The following FSTL5 variants were observed in gnomAD, a reference collection of about 807,000 sequenced individuals.
FSTL5 encodes the protein follistatin like 5.
Under a neutral mutation model 89.1 loss-of-function variants are expected in FSTL5, and 62 were observed. The observed-to-expected ratio is 0.70, with a 90% CI of 0.57 to 0.86. FSTL5 has a LOEUF of 0.86. FSTL5 is among the 40% of genes least tolerant of loss of function. The pLI, the probability that FSTL5 is intolerant of heterozygous loss-of-function variation, is 0.00. For missense variants in FSTL5, 1,057 were observed against 1,001.6 expected (o/e 1.06, Z -0.75); for synonymous variants, 383 against 346.2 (o/e 1.11, Z -1.18).
At chr4:161,564,337 C>A (rs1732724202) in intron 8 of FSTL5, among the ~76,000 whole-genome samples, 1 of 150,774 alleles carries the variant, frequency 6.6e-6, no homozygotes, top group Admixed American at 6.6e-5. Context: ...AATAAGGAAT[C>A]ATTAGCTTTG....
intron 8 of FSTL5, among the ~76,000 whole-genome samples, chr4:161,558,281 G>A (rs1384371492): frequency 1.3e-5 from 2 of 151,796 alleles, no homozygotes; most frequent in African/African-American, 4.8e-5. Flanking sequence ...CTCCAAAAGG[G>A]TGTCACTAGG....
chr4:161,556,844 G>GTATATATATA (rs962466232), intron 8 of FSTL5, among the ~76,000 whole-genome samples: 137 of 144,878 alleles, frequency 9.5e-4, no homozygotes, highest in Non-Finnish European at 1.5e-3. Context: ...GTGTGTGTGT[G>GTATATATATA]TGTATATATA....
In FSTL5 at chr4:161,395,499, A is replaced by T. The variant is rs28368788; in HGVS notation, c.1842-9050T>A. The stretch of plus-strand genomic sequence containing the variant: ...ATATTCCTTTAAAATGTTAAAACTC[A>T]ATCTATAAATTTAATATACTCTTTC... On this transcript the variant is annotated intron_variant, in intron 15 of 15. Transcript: ENST00000306100. Among the ~76,000 whole-genome samples the T allele has an allele frequency of 6.2e-3, 942 of 152,198 alleles. 5 individuals carry two copies. Among genetic ancestry groups the T allele is most frequent in the African/African-American group, 0.021 (864 of 41,550 alleles).
In FSTL5 at chr4:161,890,429, C is replaced by T. The variant is rs574750275; in HGVS notation, c.409+29975G>A. Among the ~76,000 whole-genome samples, 173 of 152,212 alleles carry T rather than the reference C, an allele frequency of 1.1e-3. 1 individual carries two copies. The highest frequency in any genetic ancestry group is 4.0e-3 in the African/African-American group (165 of 41,538). ...CTGTTCTCGAGCACGGTGGCTCACA[C>T]CTGTAATCCCAACACTTTGGGAAGC... On this transcript the variant is annotated intron_variant, in intron 4 of 15. Transcript: ENST00000306100.
In FSTL5 at chr4:161,775,871, A is replaced by G; in HGVS notation, c.606+7T>C. On this transcript the variant is annotated splice_region_variant and intron_variant, in intron 5 of 15. Coordinates refer to ENST00000306100, the MANE Select transcript of FSTL5 (RefSeq NM_020116.5). ...AGTAAGTTTGTTAATATAGTCACTA[A>G]TCATACCTGAGTTAGTTCATTAATA... 6.9e-7 allele frequency: 1 copy of G among 1,442,268 alleles called. No homozygotes were observed. Among genetic ancestry groups the G allele is most frequent in the Non-Finnish European group, 9.4e-7 (1 of 1,068,706 alleles). 89.3% of individuals were successfully genotyped at this position (1,442,268 alleles called of 1,614,324 possible).
intron 1 of FSTL5, among the ~76,000 whole-genome samples, chr4:162,138,880 G>A (rs919070293): frequency 6.6e-6 from 1 of 151,872 alleles, no homozygotes; most frequent in African/African-American, 2.4e-5. Context: ...ACAGAAGAAT[G>A]CCAATAAAAA....
At chr4:162,066,592 C>A (rs1260775158) in intron 2 of FSTL5, among the ~76,000 whole-genome samples, 1 of 144,800 alleles carries the variant, frequency 6.9e-6, no homozygotes, top group South Asian at 2.3e-4. Context: ...TGCCCCCCCA[C>A]CCCCTGACAG....
chr4:161,992,852 A>T (rs1235886362), intron 3 of FSTL5, among the ~76,000 whole-genome samples: 1 of 14,996 alleles, frequency 6.7e-5, no homozygotes, highest in African/African-American at 2.5e-4. Context: ...CATCTCAAAA[A>T]AAAAAAAAAA....
At chr4:161,489,261 A>T (rs1473481848) in intron 12 of FSTL5, among the ~76,000 whole-genome samples, 1 of 152,004 alleles carries the variant, frequency 6.6e-6, no homozygotes, top group African/African-American at 2.4e-5. Flanking sequence ...GGCTAGGGGG[A>T]AGGTCCAGGG....
chr4:161,450,467 C>G (rs1294262640), intron 15 of FSTL5, among the ~76,000 whole-genome samples: 1 of 152,100 alleles, frequency 6.6e-6, no homozygotes, highest in Non-Finnish European at 1.5e-5. Flanking sequence ...ACCAAATCTC[C>G]TATGCATTAG....
chr4:161,455,666 G>T lies in FSTL5; in HGVS notation c.1717-538C>A, dbSNP rs114179484. Among the ~76,000 whole-genome samples the T allele has an allele frequency of 3.7e-3, 557 of 152,166 alleles. 3 individuals are homozygous for T. Among genetic ancestry groups the T allele is most frequent in the African/African-American group, 0.012 (504 of 41,528 alleles). On this transcript the variant is annotated intron_variant, in intron 14 of 15. Coordinates refer to ENST00000306100, the MANE Select transcript of FSTL5 (RefSeq NM_020116.5). ...TAAAAGAGATTTCATCTTTAATAATGAATTGTTTTTTAAACTTTTATAGTC... is the reference window on the plus strand; with the variant it reads ...TAAAAGAGATTTCATCTTTAATAATTAATTGTTTTTTAAACTTTTATAGTC...
At chr4:161,524,755 C>T (rs1403301815) in intron 10 of FSTL5, among the ~76,000 whole-genome samples, 7 of 151,986 alleles carry the variant, frequency 4.6e-5, no homozygotes, top group African/African-American at 1.4e-4. Flanking sequence ...GTCAGGAGAT[C>T]GAGACCATCC....
In FSTL5 at chr4:161,606,980, T is replaced by C. The variant is rs555047403; in HGVS notation, c.895-19405A>G. Among the ~76,000 whole-genome samples the C allele has an allele frequency of 8.7e-4, 133 of 152,338 alleles. 3 individuals carry two copies. The South Asian group carries it at 0.027, about 31-fold the overall frequency. On this transcript the variant is annotated intron_variant, in intron 7 of 15. Coordinates refer to ENST00000306100, the MANE Select transcript of FSTL5 (RefSeq NM_020116.5). ...TAAAGAAGTAATACTAGTTATTCGATTTCCTCATTAGGAGAGGCTGCAAGG... is the reference window on the plus strand; with the variant it reads ...TAAAGAAGTAATACTAGTTATTCGACTTCCTCATTAGGAGAGGCTGCAAGG...
At chr4:161,535,151 C>T (rs1038845255) in intron 10 of FSTL5, among the ~76,000 whole-genome samples, 6 of 152,080 alleles carry the variant, frequency 3.9e-5, no homozygotes, top group African/African-American at 1.4e-4. Flanking sequence ...CCCTTCTCAA[C>T]ATTGGTTTTG....
At chr4:161,528,251 T>A (rs1731297062) in intron 10 of FSTL5, among the ~76,000 whole-genome samples, 1 of 141,372 alleles carries the variant, frequency 7.1e-6, no homozygotes, top group African/African-American at 2.5e-5. Context: ...CATATGTAAC[T>A]AACCTGCACA....
At chr4:161,816,101 G>C (rs1730318705) in intron 4 of FSTL5, among the ~76,000 whole-genome samples, 1 of 152,142 alleles carries the variant, frequency 6.6e-6, no homozygotes, top group Non-Finnish European at 1.5e-5. Context: ...ATCCACTGGA[G>C]TGCAGAGCTA....
chr4:161,417,459 T>C (rs1349909758), intron 15 of FSTL5, among the ~76,000 whole-genome samples: 2 of 152,228 alleles, frequency 1.3e-5, no homozygotes, highest in African/African-American at 2.4e-5. Context: ...TTATTTAACA[T>C]GCTTTATTCT....
intron 12 of FSTL5, among the ~76,000 whole-genome samples, chr4:161,497,718 A>T (rs990962778): frequency 4.6e-5 from 7 of 152,020 alleles, no homozygotes; most frequent in Admixed American, 4.6e-4. Context: ...TTTATCTCAC[A>T]TGCAATATGA....
chr4:161,862,509 C>T (rs369922584), intron 4 of FSTL5, among the ~76,000 whole-genome samples: 1 of 151,914 alleles, frequency 6.6e-6, no homozygotes, highest in Admixed American at 6.6e-5. Flanking sequence ...CTGAGGTGGG[C>T]GGATAACCAG....
Sources: gnomAD v4.1 joint callset for allele counts (sites outside exome capture counted in the v4.1 genomes callset) on GRCh38, gnomAD v4.1.1 for gene constraint, MANE v1.5 for transcripts, NCBI Gene and HGNC (gene_info 2026-07-23, HGNC 2026-07-21) for gene names.